Variants in SHISA9 observed in about 807,000 individuals in gnomAD.
SHISA9 encodes shisa family member 9.
SHISA9 carries 13 observed loss-of-function variants against 38.0 expected under a neutral mutation model. The observed-to-expected ratio is 0.34, with a 90% CI of 0.22 to 0.54. The LOEUF (loss-of-function observed/expected upper bound fraction) is 0.54, where lower values mean the gene tolerates loss of function less well. Among genes scored for constraint, SHISA9 ranks in the 20% least tolerant of loss-of-function variants. The pLI is 0.91. For missense variants in SHISA9, 538 were observed against 575.8 expected (o/e 0.93, Z 0.67); for synonymous variants, 275 against 242.0 (o/e 1.14, Z -1.27).
At chr16:13,476,738 G>GTTTTTTTTTTTT in the SHISA9 span, among the ~76,000 whole-genome samples, 8 of 65,228 alleles carry the variant, frequency 1.2e-4, 1 homozygote, top group Non-Finnish European at 2.2e-4. Flanking sequence ...CCTGTTTTGT[G>GTTTTTTTTTTTT]TTTTTTTTTT....
chr16:13,544,355 C>G, the SHISA9 span, among the ~76,000 whole-genome samples: 1 of 148,882 alleles, frequency 6.7e-6, no homozygotes, highest in Non-Finnish European at 1.5e-5. Context: ...GAATTTGAAC[C>G]CCATTCTGAC....
At chr16:12,990,630 C>A (rs1031615357) in intron 2 of SHISA9, among the ~76,000 whole-genome samples, 1 of 152,140 alleles carries the variant, frequency 6.6e-6, no homozygotes, top group Non-Finnish European at 1.5e-5. Context: ...GTGGCAATGT[C>A]TGAAGACCAT....
At chr16:13,462,190 G>T in the SHISA9 span, among the ~76,000 whole-genome samples, 1 of 151,632 alleles carries the variant, frequency 6.6e-6, no homozygotes, top group Non-Finnish European at 1.5e-5. Flanking sequence ...AGGATTATTC[G>T]AGCCCAGGAG....
intron 3 of SHISA9, among the ~76,000 whole-genome samples, chr16:13,205,936 T>C (rs1453852285): frequency 6.6e-6 from 1 of 151,576 alleles, no homozygotes; most frequent in Non-Finnish European, 1.5e-5. Flanking sequence ...TAATTTTTTT[T>C]TTTTTTTTTA....
At chr16:13,374,989 C>CT in the SHISA9 span, among the ~76,000 whole-genome samples, 1 of 152,186 alleles carries the variant, frequency 6.6e-6, no homozygotes. Flanking sequence ...TGTTCATATC[C>CT]TTTGCCCACT....
chr16:12,924,176 G>A (rs767117536), intron 2 of SHISA9, among the ~76,000 whole-genome samples: 11 of 152,130 alleles, frequency 7.2e-5, no homozygotes, highest in Non-Finnish European at 1.5e-4. Context: ...TTATTCCTTA[G>A]CACTGTAGTG....
chr16:13,478,269 G>C, the SHISA9 span, among the ~76,000 whole-genome samples: 2 of 151,902 alleles, frequency 1.3e-5, no homozygotes, highest in Non-Finnish European at 2.9e-5. Context: ...TTCAAAGATT[G>C]TCTCCAAAGC....
At chr16:13,128,968 T>A (rs141919905) in intron 2 of SHISA9, among the ~76,000 whole-genome samples, 2 of 152,324 alleles carry the variant, frequency 1.3e-5, no homozygotes, top group Non-Finnish European at 2.9e-5. Context: ...CTTTGCTGTT[T>A]ACAGAAGTGG....
intron 2 of SHISA9, among the ~76,000 whole-genome samples, chr16:13,071,978 A>C (rs923243659): frequency 6.6e-6 from 1 of 152,126 alleles, no homozygotes; most frequent in African/African-American, 2.4e-5. Flanking sequence ...CGCTCTTCCC[A>C]AATCGCCTAG....
At chr16:13,328,413 T>C in the SHISA9 span, among the ~76,000 whole-genome samples, 2 of 139,292 alleles carry the variant, frequency 1.4e-5, no homozygotes, top group East Asian at 2.4e-4. Flanking sequence ...TTCTTCTCTT[T>C]TTCCTTTTTT....
chr16:13,296,604 A>G, the SHISA9 span, among the ~76,000 whole-genome samples: 25 of 152,082 alleles, frequency 1.6e-4, no homozygotes, highest in South Asian at 8.3e-4. Flanking sequence ...CAACATTGCA[A>G]TATTATTCCC....
At chr16:13,209,500 C>G (rs765462923) in intron 3 of SHISA9, among the ~76,000 whole-genome samples, 1 of 152,188 alleles carries the variant, frequency 6.6e-6, no homozygotes, top group South Asian at 2.1e-4. Context: ...AGTTGATGCC[C>G]AGGCATATAG....
At chr16:13,334,308 C>G in the SHISA9 span, among the ~76,000 whole-genome samples, 1 of 152,180 alleles carries the variant, frequency 6.6e-6, no homozygotes, top group Non-Finnish European at 1.5e-5. Context: ...GTGCTGGACA[C>G]AAGCTGTCCT....
At position 13,064,506 on chromosome 16, in the gene SHISA9, C is replaced by G. The variant is rs150402434; in HGVS notation, c.692-138888C>G. On this transcript the variant is annotated intron_variant, in intron 2 of 4. Transcript: ENST00000558583. ...TAATAATACAAGAATTTTAAACACACCATTCCTTCAGCATATCAAAGTCAA... is the reference window on the plus strand; with the variant it reads ...TAATAATACAAGAATTTTAAACACAGCATTCCTTCAGCATATCAAAGTCAA... Among the ~76,000 whole-genome samples the G allele has an allele frequency of 4.6e-3, 702 of 152,214 alleles. 7 individuals carry two copies. Among genetic ancestry groups the G allele is most frequent in the African/African-American group, 0.016 (673 of 41,540 alleles).
At chr16:13,233,737 C>T (rs7188910) in intron 4 of SHISA9, among the ~76,000 whole-genome samples, 33,826 of 152,190 alleles carry the variant, frequency 0.22, 4,030 homozygotes, top group East Asian at 0.32. Context: ...AGGCCTGGTG[C>T]GGTAGCTCAC....
intron 2 of SHISA9, among the ~76,000 whole-genome samples, chr16:13,018,050 C>T (rs1180062650): frequency 1.3e-5 from 2 of 152,204 alleles, no homozygotes; most frequent in African/African-American, 4.8e-5. Flanking sequence ...TACCTAAATC[C>T]TGTGTTGTCC....
At chr16:13,038,897 T>C (rs533873062) in intron 2 of SHISA9, among the ~76,000 whole-genome samples, 1 of 152,330 alleles carries the variant, frequency 6.6e-6, no homozygotes, top group East Asian at 1.9e-4. Context: ...CTTTATTTAA[T>C]ACTAAAGAAT....
At chr16:13,438,058 G>A in the SHISA9 span, among the ~76,000 whole-genome samples, 1 of 151,922 alleles carries the variant, frequency 6.6e-6, no homozygotes. Flanking sequence ...TAGAGATGAG[G>A]TTTCACCATG....
At chr16:13,437,576 C>T in the SHISA9 span, among the ~76,000 whole-genome samples, 4 of 152,136 alleles carry the variant, frequency 2.6e-5, no homozygotes, top group African/African-American at 7.2e-5. Flanking sequence ...TTACCCTCTT[C>T]TGTGTTACCT....
Sources: allele counts gnomAD v4.1 joint callset (sites outside exome capture counted in the v4.1 genomes callset), GRCh38; gene constraint gnomAD v4.1.1; transcripts MANE v1.5; gene names NCBI Gene and HGNC (gene_info 2026-07-23, HGNC 2026-07-21).